The following CDH6 variants were observed in gnomAD, a reference collection of about 807,000 sequenced individuals.
CDH6 encodes the protein cadherin 6, also known as cadherin-6.
Under a neutral mutation model 78.0 loss-of-function variants are expected in CDH6, and 31 were observed. The ratio of observed to expected loss-of-function variants is 0.40; its 90% CI spans 0.30 to 0.54. The LOEUF (loss-of-function observed/expected upper bound fraction) is 0.54, where lower values mean the gene tolerates loss of function less well. CDH6 is among the 20% of genes least tolerant of loss of function. The probability of loss-of-function intolerance (pLI) is 0.56; values close to 1 mark genes in which losing one functional copy is unlikely to be tolerated. For synonymous variants in CDH6, 376 were observed against 368.8 expected, an observed-to-expected ratio of 1.02 and a Z score of -0.23; for missense variants, 724 against 975.9, an observed-to-expected ratio of 0.74 and a Z score of 3.44.
chr5:31,201,579 T>C (rs1740350125), intron 1 of CDH6, among the ~76,000 whole-genome samples: 1 of 152,164 alleles, frequency 6.6e-6, no homozygotes, highest in Admixed American at 6.5e-5. Context: ...GGGGAAAGAT[T>C]ATGATGGCTC....
intron 1 of CDH6, among the ~76,000 whole-genome samples, chr5:31,253,917 A>C (rs982050255): frequency 1.3e-5 from 2 of 152,142 alleles, no homozygotes; most frequent in Non-Finnish European, 2.9e-5. Context: ...AAAGGTAAAT[A>C]CAGTAATCCC....
chr5:31,271,985 A>T (rs1203833763), intron 2 of CDH6, among the ~76,000 whole-genome samples: 4 of 152,146 alleles, frequency 2.6e-5, no homozygotes, highest in Admixed American at 2.6e-4. Flanking sequence ...TCCTAGGAGG[A>T]TGTTACTGCC....
chr5:31,225,212 G>A (rs1487263231), intron 1 of CDH6, among the ~76,000 whole-genome samples: 1 of 152,144 alleles, frequency 6.6e-6, no homozygotes, highest in African/African-American at 2.4e-5. Context: ...CTCGATTTCT[G>A]TTCTAACTGT....
chr5:31,268,830 A>C (rs1032210875), intron 2 of CDH6, among the ~76,000 whole-genome samples: 4 of 152,218 alleles, frequency 2.6e-5, no homozygotes, highest in African/African-American at 9.7e-5. Context: ...ACCACCGTAA[A>C]TGAAGGAAAG....
Position 31,326,886 on chromosome 5 carries a change from G to A in CDH6, c.*3578G>A, listed in dbSNP as rs190764831. 2.0e-3 allele frequency: 320 copies of A among 157,432 alleles called. No homozygotes were observed. The highest frequency in any genetic ancestry group is 0.015 in the Middle Eastern group (5 of 332). The allele number at this position is 157,432 out of a possible 1,614,324, so 9.8% of individuals were successfully genotyped here. On this transcript the variant is annotated 3_prime_UTR_variant, in exon 12 of 12. Coordinates refer to ENST00000265071, the MANE Select transcript of CDH6 (RefSeq NM_004932.4). ...TTTGTTGTATTTTTTAGTGGAGACA[G>A]GGTTTCACCATGTTAGCCAGGATGA...
intron 1 of CDH6, among the ~76,000 whole-genome samples, chr5:31,213,849 A>G (rs573412400): frequency 3.5e-5 from 1 of 28,738 alleles, no homozygotes; most frequent in Admixed American, 3.6e-4. Context: ...CTGTGCTGAC[A>G]TAACATCCCC....
intron 1 of CDH6, among the ~76,000 whole-genome samples, chr5:31,207,244 A>C (rs906355586): frequency 1.3e-5 from 2 of 152,204 alleles, no homozygotes; most frequent in East Asian, 3.9e-4. Flanking sequence ...TATTTTAGAA[A>C]GTTATTCTTT....
intron 5 of CDH6, among the ~76,000 whole-genome samples, chr5:31,301,847 T>G (rs1203041300): frequency 6.6e-6 from 1 of 152,224 alleles, no homozygotes; most frequent in African/African-American, 2.4e-5. Context: ...GTTCTCACAA[T>G]CACACCATAA....
chr5:31,312,034 CCTT>C (rs1738172866), intron 7 of CDH6, among the ~76,000 whole-genome samples: 1 of 152,200 alleles, frequency 6.6e-6, no homozygotes, highest in African/African-American at 2.4e-5. Context: ...TTCAAACTCT[CCTT>C]CTTAAATATT....
At chr5:31,282,959 A>G (rs561513913) in intron 2 of CDH6, among the ~76,000 whole-genome samples, 18 of 152,338 alleles carry the variant, frequency 1.2e-4, no homozygotes, top group African/African-American at 3.8e-4. Context: ...GTGTATTTTA[A>G]AAGTCACAAA....
At chr5:31,275,256 G>T (rs1394216505) in intron 2 of CDH6, among the ~76,000 whole-genome samples, 1 of 152,164 alleles carries the variant, frequency 6.6e-6, no homozygotes, top group South Asian at 2.1e-4. Context: ...ATTATATTCC[G>T]TGAAGCTGAG....
intron 5 of CDH6, 24 bp downstream of exon 5, chr5:31,299,655 T>C: frequency 1.3e-6 from 2 of 1,580,964 alleles, no homozygotes; most frequent in Non-Finnish European, 1.7e-6. Context: ...ATTGAATGAA[T>C]TTCTTCAATG....
At chr5:31,240,813 C>A (rs916113016) in intron 1 of CDH6, among the ~76,000 whole-genome samples, 3 of 152,148 alleles carry the variant, frequency 2.0e-5, no homozygotes, top group Non-Finnish European at 4.4e-5. Flanking sequence ...CACAGTTGAA[C>A]ATTACGAAAT....
At position 31,207,889 on chromosome 5, in the gene CDH6, G is replaced by A. The variant is rs558519671; in HGVS notation, c.-129+14003G>A. On this transcript the variant is annotated intron_variant, in intron 1 of 11. Coordinates refer to ENST00000265071, the MANE Select transcript of CDH6 (RefSeq NM_004932.4). ...CACCCAACAGAAGGGAAATATTCCC[G>A]AGATGACCTTGGTGCCTGTTGGGGT... Among the ~76,000 whole-genome samples the A allele has an allele frequency of 1.4e-4, 21 of 152,282 alleles. 1 individual carries two copies. The highest frequency in any genetic ancestry group is 5.8e-4 in the East Asian group (3 of 5,164).
chr5:31,227,717 A>G (rs1281288164), intron 1 of CDH6, among the ~76,000 whole-genome samples: 1 of 152,138 alleles, frequency 6.6e-6, no homozygotes, highest in Non-Finnish European at 1.5e-5. Context: ...TGTCAGCCAC[A>G]AGCTGTGGCC....
intron 1 of CDH6, among the ~76,000 whole-genome samples, chr5:31,224,179 C>T (rs565745094): frequency 5.8e-4 from 88 of 152,296 alleles, no homozygotes; most frequent in Admixed American, 2.4e-3. Flanking sequence ...CAAGGAAGAA[C>T]AAGTCACATC....
At chr5:31,214,171 T>TG (rs1740799920) in intron 1 of CDH6, among the ~76,000 whole-genome samples, 1 of 149,046 alleles carries the variant, frequency 6.7e-6, no homozygotes, top group African/African-American at 2.5e-5. Context: ...GGCAGCAGTC[T>TG]GGGAAAAAAC....
At chr5:31,299,115 A>G (rs139913046) in intron 4 of CDH6, among the ~76,000 whole-genome samples, 208 of 152,262 alleles carry the variant, frequency 1.4e-3, no homozygotes, top group African/African-American at 4.6e-3. Flanking sequence ...ACCACAAGCC[A>G]TTTTAGATTC....
At chr5:31,225,160 T>C (rs1241656013) in intron 1 of CDH6, among the ~76,000 whole-genome samples, 1 of 152,126 alleles carries the variant, frequency 6.6e-6, no homozygotes, top group Non-Finnish European at 1.5e-5. Context: ...TTTTACGGAG[T>C]TGTCCAATGA....
Sources: gnomAD v4.1 joint callset for allele counts (sites outside exome capture counted in the v4.1 genomes callset) on GRCh38, gnomAD v4.1.1 for gene constraint, MANE v1.5 for transcripts, NCBI Gene and HGNC (gene_info 2026-07-23, HGNC 2026-07-21) for gene names.